The following PHF21A variants were observed in gnomAD, a reference collection of about 807,000 sequenced individuals.
PHF21A encodes the protein BHC80a.
A neutral mutation model predicts 82.5 loss-of-function variants in PHF21A; 11 were observed. The observed-to-expected ratio is 0.13, with a 90% CI of 0.08 to 0.22. The LOEUF (loss-of-function observed/expected upper bound fraction) is 0.22. Among genes scored for constraint, PHF21A ranks in the 10% least tolerant of loss-of-function variants. PHF21A has a pLI of 1.00. For synonymous variants in PHF21A, 297 were observed against 302.8 expected (o/e 0.98, Z 0.20); for missense variants, 579 against 837.8 (o/e 0.69, Z 3.81).
chr11:46,061,184 T>TA (rs2096530844), intron 6 of PHF21A, among the ~76,000 whole-genome samples: 1 of 152,216 alleles, frequency 6.6e-6, no homozygotes, highest in Non-Finnish European at 1.5e-5. Flanking sequence ...TTTGTACCAG[T>TA]ACCATGCTGT....
rs551022875 is a variant in PHF21A at position 45,941,471 on chromosome 11, G to A, written c.1453-3159C>T. On this transcript the variant is annotated intron_variant, in intron 15 of 18. Transcript: ENST00000676320. ...CAATATCTGGTAAACCCCACTGTTC[G>A]GTCTTGAGAGAATGAGAATGAAAAT... Among the ~76,000 whole-genome samples, 18 of 152,226 alleles carry A rather than the reference G, an allele frequency of 1.2e-4. No homozygotes were observed. The South Asian group carries it at 1.9e-3, about 16-fold the overall frequency.
At chr11:46,072,083 C>T (rs1244413124) in intron 6 of PHF21A, among the ~76,000 whole-genome samples, 1 of 152,132 alleles carries the variant, frequency 6.6e-6, no homozygotes, top group Non-Finnish European at 1.5e-5. Flanking sequence ...CTTCCTGAAA[C>T]TAACAATCTA....
At chr11:46,011,265 G>C (rs1020346670) in intron 6 of PHF21A, among the ~76,000 whole-genome samples, 1 of 152,200 alleles carries the variant, frequency 6.6e-6, no homozygotes, top group Non-Finnish European at 1.5e-5. Context: ...GAGGAGGGCA[G>C]ATCACCTGAG....
intron 16 of PHF21A, 48 bp downstream of exon 16, chr11:45,938,109 T>C (rs760454574): frequency 4.8e-6 from 7 of 1,446,434 alleles, no homozygotes; most frequent in South Asian, 1.4e-5. Context: ...CTGATGGCCG[T>C]GTCTTTGTCC....
At chr11:46,028,190 C>G (rs2138160041) in intron 6 of PHF21A, among the ~76,000 whole-genome samples, 1 of 152,024 alleles carries the variant, frequency 6.6e-6, no homozygotes. Flanking sequence ...CCAAAAATTT[C>G]AACATTCCAA....
intron 5 of PHF21A, among the ~76,000 whole-genome samples, chr11:46,077,788 A>G (rs1337885593): frequency 6.6e-6 from 1 of 152,248 alleles, no homozygotes. Context: ...ATCACCAACT[A>G]TAACAGAAAT....
intron 6 of PHF21A, among the ~76,000 whole-genome samples, chr11:45,990,115 A>T (rs2136617088): frequency 6.6e-6 from 1 of 152,328 alleles, no homozygotes; most frequent in South Asian, 2.1e-4. Flanking sequence ...ACAAATTTCT[A>T]CACAAATATT....
At chr11:46,097,324 T>C (rs1247037128) in intron 1 of PHF21A, among the ~76,000 whole-genome samples, 1 of 152,086 alleles carries the variant, frequency 6.6e-6, no homozygotes, top group Non-Finnish European at 1.5e-5. Flanking sequence ...CACTGAGTGA[T>C]TTGGGCCTCT....
rs369347099 is a variant in PHF21A, at chr11:45,979,732, G to A, written c.360+28C>T. The A allele has an allele frequency of 9.8e-4, 1,587 of 1,612,780 alleles. 27 individuals are homozygous for A. In the South Asian group the frequency reaches 0.017, roughly 17 times the overall value. ...ACAACAAATCAGTCTACAATCTGCA[G>A]CCTGCAATGTTCCATCCACACATTT... On this transcript the variant is annotated intron_variant, in intron 7 of 18. Coordinates refer to ENST00000676320, the MANE Select transcript of PHF21A (RefSeq NM_001352027.3).
chr11:46,028,945 T>C (rs1191814221), intron 6 of PHF21A, among the ~76,000 whole-genome samples: 1 of 152,248 alleles, frequency 6.6e-6, no homozygotes. Flanking sequence ...AAGGACTATA[T>C]GAACACAAGT....
chr11:45,988,490 A>AT (rs1304883293), intron 6 of PHF21A, among the ~76,000 whole-genome samples: 1 of 152,230 alleles, frequency 6.6e-6, no homozygotes, highest in Non-Finnish European at 1.5e-5. Context: ...ATTGGGAAGT[A>AT]TTTTTAACAA....
chr11:46,009,013 C>T (rs1461142161), intron 6 of PHF21A, among the ~76,000 whole-genome samples: 3 of 130,806 alleles, frequency 2.3e-5, no homozygotes, highest in African/African-American at 5.9e-5. Flanking sequence ...GTCTCACTGT[C>T]GCTCACGCTG....
chr11:46,095,683 ATTAT>A (rs1274950197), intron 1 of PHF21A, among the ~76,000 whole-genome samples: 1 of 152,084 alleles, frequency 6.6e-6, no homozygotes, highest in African/African-American at 2.4e-5. Flanking sequence ...GCAATTAATA[ATTAT>A]TTAAATACCT....
At chr11:46,001,943 T>C (rs907536603) in intron 6 of PHF21A, among the ~76,000 whole-genome samples, 2 of 152,168 alleles carry the variant, frequency 1.3e-5, no homozygotes, top group African/African-American at 4.8e-5. Flanking sequence ...TTAGCACTAC[T>C]TCATAAAAAC....
Position 46,119,967 on chromosome 11 carries a change from G to A in PHF21A, c.-237+968C>T, listed in dbSNP as rs1269890184. The A allele has an allele frequency of 2.0e-5, 3 of 146,640 alleles. No homozygotes were observed. The East Asian group carries it at 6.1e-4, about 30-fold the overall frequency. The allele number at this position is 146,640 out of a possible 1,614,324, so 9.1% of individuals were successfully genotyped here. A position where few individuals can be genotyped will look rare whatever the true frequency, so the allele number is the denominator to read the frequency against. ...CGCCCCGGCCCGCTCGGGGTCCCGG[G>A]GGCGCCCCGCGGCCGCCGGCGGCGG... On this transcript the variant is annotated intron_variant, in intron 1 of 18. Coordinates refer to ENST00000676320, the MANE Select transcript of PHF21A (RefSeq NM_001352027.3).
At chr11:46,006,133 T>C (rs943503663) in intron 6 of PHF21A, among the ~76,000 whole-genome samples, 1 of 152,198 alleles carries the variant, frequency 6.6e-6, no homozygotes, top group Non-Finnish European at 1.5e-5. Flanking sequence ...AAGAACCAGA[T>C]TAACTGACAA....
Position 45,936,544 on chromosome 11 carries a change from G to C in PHF21A, c.1634C>G (p.Pro545Arg). The change falls in exon 17 of 19, where the codon CCA becomes CGA. Residue 545 changes from proline to arginine, a missense_variant. Pro to Arg is a moderately radical substitution (Grantham distance 103, BLOSUM62 -2). Transcript: ENST00000676320. ...AACAATTGCTAAAGTTCCAGGCCAT[G>C]GAATTGCTTCTTCCTTCTTCAGCAT... ...DQMLKKEEAI[P>R]WPGTLAIVHS... 2 of 1,613,162 alleles carry C rather than the reference G, an allele frequency of 1.2e-6. No homozygotes were observed. Among genetic ancestry groups the C allele is most frequent in the Non-Finnish European group, 1.7e-6 (2 of 1,179,126 alleles).
intron 6 of PHF21A, among the ~76,000 whole-genome samples, chr11:46,012,734 T>C (rs1440305248): frequency 5.3e-5 from 8 of 152,188 alleles, no homozygotes; most frequent in Admixed American, 5.2e-4. Context: ...AATTCTATCT[T>C]AATATCCCAC....
chr11:46,014,755 C>G lies in PHF21A; in HGVS notation c.154-34789G>C, dbSNP rs1483119051. Among the ~76,000 whole-genome samples, 2 of 48,072 alleles carry G rather than the reference C, an allele frequency of 4.2e-5. 1 individual carries two copies. Among genetic ancestry groups the G allele is most frequent in the Non-Finnish European group, 6.6e-5 (2 of 30,198 alleles). The allele number at this position is 48,072 out of a possible 152,430, so 31.5% of individuals were successfully genotyped here. On this transcript the variant is annotated intron_variant, in intron 6 of 18. Transcript: ENST00000676320. ...CAGCACTTTGGGAGGCCGAGGCGGGCGGATCACGAGGTCAGGAGATCGAGA... is the reference window on the plus strand; with the variant it reads ...CAGCACTTTGGGAGGCCGAGGCGGGGGGATCACGAGGTCAGGAGATCGAGA...
Sources: gnomAD v4.1 joint callset for allele counts (sites outside exome capture counted in the v4.1 genomes callset) on GRCh38, gnomAD v4.1.1 for gene constraint, MANE v1.5 for transcripts, NCBI Gene and HGNC (gene_info 2026-07-23, HGNC 2026-07-21) for gene names.